Variants in KAT6B observed in about 807,000 individuals in gnomAD.
KAT6B encodes the protein histone acetyltransferase KAT6B.
In KAT6B, 10 loss-of-function variants were observed where a neutral mutation model predicts 187.5. The ratio of observed to expected loss-of-function variants is 0.05; its 90% CI spans 0.03 to 0.09. The LOEUF is 0.09. Among genes scored for constraint, KAT6B ranks in the 10% least tolerant of loss-of-function variants. The probability of loss-of-function intolerance (pLI) is 1.00; values close to 1 mark genes in which losing one functional copy is unlikely to be tolerated. For synonymous variants in KAT6B, 861 were observed against 926.8 expected (o/e 0.93, Z 1.29); for missense variants, 1,952 against 2,558.9 (o/e 0.76, Z 5.12).
At chr10:74,929,006 G>T (rs1290676067) in intron 3 of KAT6B, among the ~76,000 whole-genome samples, 1 of 152,094 alleles carries the variant, frequency 6.6e-6, no homozygotes, top group Non-Finnish European at 1.5e-5. Flanking sequence ...GTCAAGATTT[G>T]TTTAGTGATT....
At chr10:74,839,406 A>T (rs1230628620) in intron 2 of KAT6B, among the ~76,000 whole-genome samples, 1 of 151,464 alleles carries the variant, frequency 6.6e-6, no homozygotes, top group African/African-American at 2.4e-5. Context: ...AATTTTTTGT[A>T]TTTTTAGTAG....
In KAT6B at chr10:75,030,650, A is replaced by T. The variant is rs2134253644; in HGVS notation, c.5826A>T (p.Gln1942His). 21 of 1,614,128 alleles carry T rather than the reference A, an allele frequency of 1.3e-5. No individual in the cohort carries two copies. Among genetic ancestry groups the T allele is most frequent in the Non-Finnish European group, 1.8e-5 (21 of 1,179,956 alleles). Residue 1942 changes from glutamine to histidine, a missense_variant, in exon 18 of 18, where the codon CAA becomes CAT. By Grantham distance (24) the Gln-to-His change is conservative. Coordinates refer to ENST00000287239, the MANE Select transcript of KAT6B (RefSeq NM_012330.4). The surrounding 1 kb of genome is among the most constrained non-coding windows in gnomAD (Gnocchi z 4.8). ...LSPAAATHQS[Q>H]IYGRSQTVAM... ...CAGCCGCTGCCACCCATCAGTCACA[A>T]ATCTATGGGCGCTCCCAGACTGTAG...
chr10:74,836,872 AAAAG>A (rs1227656694), intron 1 of KAT6B, among the ~76,000 whole-genome samples: 5 of 152,246 alleles, frequency 3.3e-5, no homozygotes, highest in Non-Finnish European at 7.3e-5. Context: ...TTGGGGAAAA[AAAAG>A]AAAGAAAAAG....
chr10:74,844,407 C>T (rs1369046870), intron 3 of KAT6B, among the ~76,000 whole-genome samples: 4 of 152,304 alleles, frequency 2.6e-5, no homozygotes, highest in South Asian at 2.1e-4. Flanking sequence ...CCATGTTGGC[C>T]GGGCTAGTCT....
chr10:74,911,272 CT>C (rs766011853), intron 3 of KAT6B, among the ~76,000 whole-genome samples: 289 of 137,596 alleles, frequency 2.1e-3, no homozygotes, highest in Admixed American at 3.5e-3. Context: ...CTTTCTTTTT[CT>C]TTTTTTTTTT....
rs550985531 is a variant in KAT6B, at chr10:74,977,384, G to A, written c.2062G>A (p.Val688Ile). 2.2e-5 allele frequency: 36 copies of A among 1,613,892 alleles called. No homozygotes were observed. Among genetic ancestry groups the A allele is most frequent in the African/African-American group, 9.3e-5 (7 of 75,036 alleles). The change falls in exon 9 of 18, where the codon GTT (valine) becomes ATT (isoleucine). Residue 688 changes from valine to isoleucine, a missense_variant. Around this residue, in one of 9 missense-constraint regions of KAT6B, gnomAD observed 417 missense variants for 508.9 expected, o/e 0.82. Coordinates refer to ENST00000287239, the MANE Select transcript of KAT6B (RefSeq NM_012330.4). ...AAATGTGATTGGAAACAAGGATGTC[G>A]TTACTGAAGAGGATTTGGATGTTTT... is the stretch of plus-strand genomic sequence containing the variant. The part of the protein sequence containing the change: ...DVNVIGNKDV[V>I]TEEDLDVFKQ...
chr10:74,956,046 C>T (rs895802160), intron 3 of KAT6B, among the ~76,000 whole-genome samples: 2 of 152,140 alleles, frequency 1.3e-5, no homozygotes, highest in African/African-American at 2.4e-5. Flanking sequence ...ACCTCAACTC[C>T]CCAAGTAGCT....
At chr10:75,026,915 C>T (rs1247875470) in intron 17 of KAT6B, among the ~76,000 whole-genome samples, 1 of 152,124 alleles carries the variant, frequency 6.6e-6, no homozygotes, top group Non-Finnish European at 1.5e-5. Flanking sequence ...GTAGGCAGAT[C>T]ACCTGAGGTC....
intron 1 of KAT6B, chr10:74,827,175 AG>A (rs1840330300): frequency 2.6e-5 from 4 of 152,508 alleles, no homozygotes; most frequent in Admixed American, 2.6e-4. Flanking sequence ...GGGTGGGAGG[AG>A]AAGCTGAAGG....
chr10:74,904,430 A>G (rs1389914477), intron 3 of KAT6B, among the ~76,000 whole-genome samples: 2 of 152,192 alleles, frequency 1.3e-5, no homozygotes, highest in Non-Finnish European at 2.9e-5. Context: ...GGCCCTCTCT[A>G]CAATGTAGCA....
intron 13 of KAT6B, among the ~76,000 whole-genome samples, chr10:75,002,387 A>C (rs1466769954): frequency 2.6e-5 from 4 of 152,116 alleles, no homozygotes; most frequent in Middle Eastern, 3.4e-3. Flanking sequence ...CAAAAAAAAA[A>C]AACAACAACA....
At chr10:74,919,243 T>TA (rs1351147237) in intron 3 of KAT6B, among the ~76,000 whole-genome samples, 3 of 151,916 alleles carry the variant, frequency 2.0e-5, no homozygotes, top group Non-Finnish European at 4.4e-5. Context: ...TATATATATA[T>TA]TTTTTTCCTC....
intron 3 of KAT6B, among the ~76,000 whole-genome samples, chr10:74,861,471 G>T (rs989758157): frequency 7.9e-5 from 12 of 152,206 alleles, no homozygotes; most frequent in Admixed American, 1.3e-4. Flanking sequence ...AGTGCTTTGT[G>T]TATAACCTGT....
intron 3 of KAT6B, among the ~76,000 whole-genome samples, chr10:74,948,592 A>T (rs898718060): frequency 6.6e-6 from 1 of 152,244 alleles, no homozygotes; most frequent in African/African-American, 2.4e-5. Flanking sequence ...GTCTACATTC[A>T]GTTCACAGTG....
chr10:74,848,063 C>T (rs963706360), intron 3 of KAT6B, among the ~76,000 whole-genome samples: 8 of 151,804 alleles, frequency 5.3e-5, no homozygotes, highest in African/African-American at 1.5e-4. Context: ...GGATTACAGG[C>T]GTGCGCCACC....
chr10:75,000,939 T>C (rs1467695196), intron 13 of KAT6B, among the ~76,000 whole-genome samples: 1 of 152,124 alleles, frequency 6.6e-6, no homozygotes, highest in Non-Finnish European at 1.5e-5. Context: ...TGCTAGAAGA[T>C]GGTGCAAATG....
intron 2 of KAT6B, among the ~76,000 whole-genome samples, chr10:74,841,100 G>A (rs988851026): frequency 1.3e-5 from 2 of 152,208 alleles, no homozygotes; most frequent in African/African-American, 4.8e-5. Context: ...CAGTAGTCCT[G>A]TAAGGGATAT....
chr10:74,975,879 T>C lies in KAT6B; in HGVS notation c.1542T>C (p.Thr514=). The C allele has an allele frequency of 6.2e-7, 1 of 1,614,130 alleles. No homozygotes were observed. The highest frequency in any genetic ancestry group is 8.5e-7 in the Non-Finnish European group (1 of 1,180,008). ...GTTCACAAAAGTCCAGCACGGCCAC[T>C]TCTTCTCCCTCTCCCCAGAGTTCTT... ...SPSSQKSSTA[T]SSPSPQSSSS... The change falls in exon 8 of 18, where the codon ACT becomes ACC. Residue 514 remains threonine, a synonymous_variant. Coordinates refer to ENST00000287239, the MANE Select transcript of KAT6B (RefSeq NM_012330.4).
At chr10:74,910,002 G>A (rs899909562) in intron 3 of KAT6B, among the ~76,000 whole-genome samples, 1 of 151,746 alleles carries the variant, frequency 6.6e-6, no homozygotes, top group African/African-American at 2.4e-5. Flanking sequence ...TGAATAGGAT[G>A]TCTATTGAAA....
Sources: gnomAD v4.1 joint callset for allele counts (sites outside exome capture counted in the v4.1 genomes callset) on GRCh38, gnomAD v4.1.1 for gene constraint, gnomAD v4.1.1 regional missense constraint, Gnocchi (gnomAD v3.1) non-coding constraint, MANE v1.5 for transcripts, NCBI Gene and HGNC (gene_info 2026-07-23, HGNC 2026-07-21) for gene names.